Variants in SVIL observed in about 807,000 individuals in gnomAD.
The protein encoded by SVIL is archvillin.
A neutral mutation model predicts 240.4 loss-of-function variants in SVIL; 101 were observed. The ratio of observed to expected loss-of-function variants is 0.42; its 90% CI spans 0.36 to 0.50. The LOEUF is 0.50. Among genes scored for constraint, SVIL ranks in the 20% least tolerant of loss-of-function variants. The pLI is 0.01. For synonymous variants in SVIL, 999 were observed against 1,100.0 expected (o/e 0.91, Z 1.82); for missense variants, 2,512 against 2,818.7 (o/e 0.89, Z 2.46).
chr10:29,487,123 G>A, intron 24 of SVIL, 40 bp downstream of exon 24: 1 of 1,608,838 alleles, frequency 6.2e-7, no homozygotes, highest in East Asian at 2.2e-5. Flanking sequence ...GTGCGTAAAG[G>A]AGATGTTAGC....
chr10:29,533,277 T>C lies in SVIL; in HGVS notation c.1090A>G (p.Ile364Val). The change falls in exon 8 of 38, where the codon ATC becomes GTC. Residue 364 changes from isoleucine to valine, a missense_variant. Physicochemically the swap from Ile to Val is conservative, Grantham distance 29. Transcript: ENST00000355867. ...TCTGCGGGTTGGACATAGCCACGGA[T>C]TGGCTGTCGTGTAGAGCCTGCTGCC... Reference protein sequence around the residue: ...SKAAGSTRQPIRGYVQPADTG... With the variant: ...SKAAGSTRQPVRGYVQPADTG... 10 of 1,614,012 alleles carry C rather than the reference T, an allele frequency of 6.2e-6. No homozygotes were observed. The highest frequency in any genetic ancestry group is 8.5e-6 in the Non-Finnish European group (10 of 1,180,002).
chr10:29,462,328 A>G lies in SVIL; in HGVS notation c.6351T>C (p.Asn2117=), dbSNP rs1324307766. Residue 2117 remains asparagine (N), a synonymous_variant, in exon 36 of 38, where the codon AAT becomes AAC. Coordinates refer to ENST00000355867, the MANE Select transcript of SVIL (RefSeq NM_021738.3). ...HAGLEPLTFT[N]MFPSWEHRED... is the part of the protein sequence containing the mutation. ...CTCTGTGCTCCCAGCTGGGAAACAT[A>G]TTGGTGAATGTCAGGGGCTCCAGAC... is the stretch of plus-strand genomic sequence containing the variant. 7 of 1,614,190 alleles carry G rather than the reference A, an allele frequency of 4.3e-6. No homozygotes were observed. The highest frequency in any genetic ancestry group is 5.1e-6 in the Non-Finnish European group (6 of 1,180,036).
chr10:29,643,924 T>C lies in SVIL; in HGVS notation c.-201+14045A>G, dbSNP rs577062863. ...GATGTGAACTTGCCAGGGGTGAGCC[T>C]GGACCGTGGTTTATGAGTCCTGGCT... On this transcript the variant is annotated intron_variant, in intron 3 of 35. Coordinates refer to the SVIL transcript ENST00000375400. 2.1e-4 allele frequency: 106 copies of C among 508,418 alleles called. 1 individual carries two copies. Among genetic ancestry groups the C allele is most frequent in the Admixed American group, 2.1e-3 (104 of 50,148 alleles). 31.5% of individuals were successfully genotyped at this position (508,418 alleles called of 1,614,324 possible).
intron 1 of SVIL, among the ~76,000 whole-genome samples, chr10:29,586,711 TA>T (rs1294211897): frequency 1.3e-5 from 2 of 152,038 alleles, no homozygotes; most frequent in African/African-American, 4.8e-5. Flanking sequence ...TACGCAGCCA[TA>T]AAAAAGAACG....
chr10:29,594,019 T>C (rs1046371491), intron 1 of SVIL, among the ~76,000 whole-genome samples: 1 of 152,106 alleles, frequency 6.6e-6, no homozygotes, highest in African/African-American at 2.4e-5. Context: ...AATCAGAAAA[T>C]CCAAAATTGG....
intron 14 of SVIL, 64 bp from the exon 15 acceptor site, chr10:29,524,091 T>C (rs1950737635): frequency 6.9e-7 from 1 of 1,449,404 alleles, no homozygotes; most frequent in South Asian, 1.4e-5. Context: ...AAATCCTGGT[T>C]TATGAATTGA....
At chr10:29,540,628 G>C (rs1952075830) in intron 6 of SVIL, among the ~76,000 whole-genome samples, 1 of 152,090 alleles carries the variant, frequency 6.6e-6, no homozygotes, top group South Asian at 2.1e-4. Context: ...CTGGAAAATG[G>C]CTGCTTCCTT....
At chr10:29,611,173 C>T (rs553649442) in intron 1 of SVIL, among the ~76,000 whole-genome samples, 1 of 152,202 alleles carries the variant, frequency 6.6e-6, no homozygotes, top group African/African-American at 2.4e-5. Flanking sequence ...ATCTACAGTC[C>T]CGCCGTCTAT....
intron 9 of SVIL, 71 bp downstream of exon 9, chr10:29,531,931 C>T (rs112642168): frequency 1.3e-6 from 2 of 1,531,884 alleles, no homozygotes; most frequent in East Asian, 2.3e-5. Flanking sequence ...GCGTCAAGAC[C>T]GTCAGTGTGG....
At chr10:29,466,428 A>C (rs1944935436) in intron 33 of SVIL, among the ~76,000 whole-genome samples, 1 of 152,204 alleles carries the variant, frequency 6.6e-6, no homozygotes. Context: ...GCTTCTGTGT[A>C]TTGCAGGTGA....
chr10:29,654,309 A>T (rs1247453), intron 3 of SVIL, among the ~76,000 whole-genome samples: 1 of 151,830 alleles, frequency 6.6e-6, no homozygotes, highest in Non-Finnish European at 1.5e-5. Flanking sequence ...ATTAGAAAAC[A>T]AATTATTGTT....
chr10:29,683,120 A>G (rs1960793374), intron 2 of SVIL, among the ~76,000 whole-genome samples: 1 of 152,162 alleles, frequency 6.6e-6, no homozygotes, highest in Non-Finnish European at 1.5e-5. Flanking sequence ...TACTTGTAAG[A>G]TGTACAATGG....
intron 29 of SVIL, among the ~76,000 whole-genome samples, chr10:29,474,642 TA>T (rs1423810581): frequency 1.5e-5 from 2 of 135,888 alleles, no homozygotes; most frequent in African/African-American, 5.4e-5. Context: ...AATAAATAAA[TA>T]AAGTATTTGG....
rs537758368 is a variant in SVIL at position 29,563,411 on chromosome 10, G to T, written c.-142-119C>A. Reference sequence around the variant, plus strand: ...ATCATTCAATATGTACACATAGATTGCAGGTAAAATGTTTTATATTGGGGA... The same window carrying T: ...ATCATTCAATATGTACACATAGATTTCAGGTAAAATGTTTTATATTGGGGA... On this transcript the variant is annotated intron_variant, in intron 2 of 37. Transcript: ENST00000355867. 4.2e-5 allele frequency: 10 copies of T among 238,766 alleles called. No individual in the cohort carries two copies. The South Asian group carries it at 1.4e-3, about 33-fold the overall frequency. 14.8% of individuals were successfully genotyped at this position (238,766 alleles called of 1,614,324 possible). A position where few individuals can be genotyped will look rare whatever the true frequency, so the allele number is the denominator to read the frequency against.
chr10:29,713,308 TCAAA>T (rs756338314), intron 1 of SVIL, among the ~76,000 whole-genome samples: 6 of 151,944 alleles, frequency 3.9e-5, no homozygotes, highest in East Asian at 1.9e-4. Flanking sequence ...ACGTGGTCTA[TCAAA>T]CAGAGGCAAC....
chr10:29,523,508 G>T lies in SVIL; in HGVS notation c.3106C>A (p.Pro1036Thr), dbSNP rs199931123. ...TCCACCTCCACCTTCTCTTCAAAGG[G>T]CAGCCTGTCCCTCAAGTCCAAGTTT... Reference protein sequence around the residue: ...QGNLDLRDRLPFEEKVEVENV... With the variant: ...QGNLDLRDRLTFEEKVEVENV... The change falls in exon 15 of 38, where the codon CCC becomes ACC. Residue 1036 changes from proline to threonine, a missense_variant. By Grantham distance (38) the Pro-to-Thr change is conservative. Around this residue, in one of 3 missense-constraint regions of SVIL, gnomAD observed 1,443 missense variants for 1,486.6 expected, o/e 0.97. Coordinates refer to ENST00000355867, the MANE Select transcript of SVIL (RefSeq NM_021738.3). 6.2e-7 allele frequency: 1 copy of T among 1,613,822 alleles called. No homozygotes were observed. The highest frequency in any genetic ancestry group is 1.6e-4 in the Middle Eastern group (1 of 6,062).
chr10:29,620,097 A>T (rs1957575102), intron 1 of SVIL, among the ~76,000 whole-genome samples: 1 of 152,208 alleles, frequency 6.6e-6, no homozygotes, highest in South Asian at 2.1e-4. Flanking sequence ...TAAGAAAGCC[A>T]TCAGAACCGT....
chr10:29,480,450 A>G, intron 29 of SVIL, 87 bp downstream of exon 29: 2 of 1,535,130 alleles, frequency 1.3e-6, no homozygotes, highest in Admixed American at 1.7e-5. Context: ...AGCAGAGGGC[A>G]TGACAGGGTT....
rs138330085 is a variant in SVIL, at chr10:29,524,466, AC to A, written c.2586+5del. ...ACAAACTGCAATCGGACTATAGCACACCCACCTGCTCCACCTCTCCCAGTGT... is the reference window on the plus strand; with the variant it reads ...ACAAACTGCAATCGGACTATAGCACACCACCTGCTCCACCTCTCCCAGTGT... On this transcript the variant is annotated splice_donor_5th_base_variant and intron_variant, in intron 14 of 37. Coordinates refer to ENST00000355867, the MANE Select transcript of SVIL (RefSeq NM_021738.3). 5.1e-3 allele frequency: 8,208 copies of A among 1,613,950 alleles called. 243 individuals are homozygous for A. Among genetic ancestry groups the A allele is most frequent in the South Asian group, 0.048 (4,347 of 91,070 alleles).
Sources: gnomAD v4.1 joint callset for allele counts (sites outside exome capture counted in the v4.1 genomes callset) on GRCh38, gnomAD v4.1.1 for gene constraint, gnomAD v4.1.1 regional missense constraint, MANE v1.5 for transcripts, NCBI Gene and HGNC (gene_info 2026-07-23, HGNC 2026-07-21) for gene names.